Variants in GPSM2 observed in about 807,000 individuals in gnomAD.
The protein encoded by GPSM2 is G protein signaling modulator 2.
A neutral mutation model predicts 78.4 loss-of-function variants in GPSM2; 58 were observed. The observed-to-expected ratio is 0.74, with a 90% CI of 0.60 to 0.92. The LOEUF (loss-of-function observed/expected upper bound fraction) is 0.92, where lower values mean the gene tolerates loss of function less well. Among genes scored for constraint, GPSM2 ranks in the 40% least tolerant of loss-of-function variants. The pLI is 0.00. For synonymous variants in GPSM2, 224 were observed against 280.2 expected (o/e 0.80, Z 2.00); for missense variants, 700 against 815.5 (o/e 0.86, Z 1.73).
chr1:108,896,614 A>G (rs1648386311), intron 2 of GPSM2, among the ~76,000 whole-genome samples: 1 of 152,236 alleles, frequency 6.6e-6, no homozygotes, highest in African/African-American at 2.4e-5. Flanking sequence ...GGGCCAATTA[A>G]AATGAGCTCC....
intron 13 of GPSM2, among the ~76,000 whole-genome samples, chr1:108,923,220 G>A (rs1386135119): frequency 6.6e-6 from 1 of 151,954 alleles, no homozygotes; most frequent in African/African-American, 2.4e-5. Context: ...TTTTTGTGGA[G>A]ATGAGGTCTT....
chr1:108,934,526 T>C lies in GPSM2; in HGVS notation c.*4586T>C. ...TGTTAATTCTAATTGTCAGTAAAAA[T>C]GTGAATGTTGAAGTTGAAATGTGAA... On this transcript the variant is annotated 3_prime_UTR_variant, in exon 15 of 15. Transcript: ENST00000264126. 3 of 891,836 alleles carry C rather than the reference T, an allele frequency of 3.4e-6. No individual in the cohort carries two copies. The highest frequency in any genetic ancestry group is 5.0e-6 in the Non-Finnish European group (3 of 603,462). 55.2% of individuals were successfully genotyped at this position (891,836 alleles called of 1,614,324 possible).
intron 10 of GPSM2, among the ~76,000 whole-genome samples, chr1:108,909,255 G>A (rs1469276021): frequency 6.6e-6 from 1 of 152,182 alleles, no homozygotes; most frequent in African/African-American, 2.4e-5. Context: ...CCTTAAAAGT[G>A]AAAACCACTG....
chr1:108,897,570 C>A lies in GPSM2; in HGVS notation c.357C>A (p.Asp119Glu). 1 of 1,613,170 alleles carries A rather than the reference C, an allele frequency of 6.2e-7. No individual in the cohort carries two copies. Among genetic ancestry groups the A allele is most frequent in the Non-Finnish European group, 8.5e-7 (1 of 1,179,542 alleles). The change falls in exon 4 of 15, where the codon GAC becomes GAA. Residue 119 changes from aspartate (D) to glutamate (E), a missense_variant. Asp to Glu is a conservative substitution (Grantham distance 45). Transcript: ENST00000264126. ...GNTLKVLGNF[D>E]EAIVCCQRHL... ...CCTTAAAAGTTCTTGGGAATTTTGA[C>A]GAAGCCATAGTTTGTTGTCAGCGAC...
chr1:108,917,611 C>CAT lies in GPSM2; in HGVS notation c.1264-948_1264-947dup, dbSNP rs55909258. 8.0e-3 allele frequency among the ~76,000 whole-genome samples: 182 copies of CAT among 22,640 alleles called. 3 individuals are homozygous for CAT. The highest frequency in any genetic ancestry group is 0.01 in the Non-Finnish European group (130 of 12,714). The allele number at this position is 22,640 out of a possible 152,430, so 14.9% of individuals were successfully genotyped here. A position where few individuals can be genotyped will look rare whatever the true frequency, so the allele number is the denominator to read the frequency against. On this transcript the variant is annotated intron_variant, in intron 11 of 14. Coordinates refer to ENST00000264126, the MANE Select transcript of GPSM2 (RefSeq NM_013296.5). ...ACAAATGTATACACACACACACACA[C>CAT]ATATATATATATATATATATATATA...
intron 7 of GPSM2, among the ~76,000 whole-genome samples, chr1:108,901,289 A>G (rs1648784314): frequency 6.6e-6 from 1 of 152,180 alleles, no homozygotes; most frequent in Non-Finnish European, 1.5e-5. Flanking sequence ...AGTATTCAGT[A>G]TTTTTCATGA....
At chr1:108,900,348 T>C (rs944453685) in intron 7 of GPSM2, among the ~76,000 whole-genome samples, 1 of 151,490 alleles carries the variant, frequency 6.6e-6, no homozygotes, top group Non-Finnish European at 1.5e-5. Flanking sequence ...CAAGCGATTC[T>C]CCTGCCTCAG....
At chr1:108,907,203 A>G (rs959246468) in intron 10 of GPSM2, among the ~76,000 whole-genome samples, 1 of 152,186 alleles carries the variant, frequency 6.6e-6, no homozygotes, top group Admixed American at 6.5e-5. Flanking sequence ...TTTGTAAGAA[A>G]ACTTGTCTAT....
chr1:108,912,693 G>T (rs987014247), intron 10 of GPSM2, among the ~76,000 whole-genome samples: 2 of 151,922 alleles, frequency 1.3e-5, no homozygotes, highest in Non-Finnish European at 2.9e-5. Context: ...GCAGTGAGCT[G>T]TGATTGCGCC....
At position 108,924,072 on chromosome 1, in the gene GPSM2, G is replaced by A. The variant is rs950649146; in HGVS notation, c.1673G>A (p.Arg558His). The A allele has an allele frequency of 1.6e-5, 25 of 1,612,292 alleles. No homozygotes were observed. Among genetic ancestry groups the A allele is most frequent in the Middle Eastern group, 3.3e-4 (2 of 6,080 alleles). ...LDLLASSQSR[R>H]LDDQRASFSN... ...CTTCTTGCCAGCTCACAGAGTCGCC[G>A]TCTGGATGACCAGAGGGCTAGTTTC... is the stretch of plus-strand genomic sequence containing the variant. Residue 558 changes from arginine to histidine, a missense_variant, in exon 14 of 15, where the codon CGT becomes CAT. Arg to His is a conservative substitution (Grantham distance 29, BLOSUM62 0). Coordinates refer to ENST00000264126, the MANE Select transcript of GPSM2 (RefSeq NM_013296.5).
intron 10 of GPSM2, among the ~76,000 whole-genome samples, chr1:108,908,500 G>A (rs962182269): frequency 1.3e-5 from 2 of 151,058 alleles, no homozygotes; most frequent in Non-Finnish European, 2.9e-5. Flanking sequence ...TGGCTAACAC[G>A]GTGAAACCGT....
intron 14 of GPSM2, 111 bp downstream of exon 14, chr1:108,924,325 A>G (rs1257040715): frequency 1.3e-6 from 1 of 754,218 alleles, no homozygotes; most frequent in Non-Finnish European, 2.4e-6. Flanking sequence ...GAGAGTTATT[A>G]TTGTCCATCA....
chr1:108,885,945 T>C lies in GPSM2; in HGVS notation c.56+367T>C, dbSNP rs564083912. Among the ~76,000 whole-genome samples the C allele has an allele frequency of 2.6e-5, 4 of 152,316 alleles. No homozygotes were observed. In the East Asian group the frequency reaches 7.7e-4, roughly 29 times the overall value. ...ACCAAACCTTTGCATTGTAATTTAA[T>C]GTGATCTTTTAGACATGAACTTTTT... On this transcript the variant is annotated intron_variant, in intron 2 of 14. Coordinates refer to ENST00000264126, the MANE Select transcript of GPSM2 (RefSeq NM_013296.5).
At chr1:108,901,125 G>C (rs751262624) in intron 7 of GPSM2, among the ~76,000 whole-genome samples, 1 of 152,148 alleles carries the variant, frequency 6.6e-6, no homozygotes, top group Non-Finnish European at 1.5e-5. Flanking sequence ...AGAAGAGACT[G>C]GTATACAGAG....
chr1:108,918,591 C>T lies in GPSM2; in HGVS notation c.1264-22C>T, dbSNP rs551513412. 1.0e-5 allele frequency: 16 copies of T among 1,591,936 alleles called. No individual in the cohort carries two copies. The African/African-American group carries it at 2.2e-4, about 21-fold the overall frequency. ...GGATTTGGGGGTGTTTATTCACCTG[C>T]CTTCCATTTATAATTTTGTAGGTAC... On this transcript the variant is annotated intron_variant, in intron 11 of 14. Coordinates refer to ENST00000264126, the MANE Select transcript of GPSM2 (RefSeq NM_013296.5).
In GPSM2 at chr1:108,896,966, T is replaced by G. The variant is rs1469440218; in HGVS notation, c.159T>G (p.Val53=). The change falls in exon 3 of 15, where the codon GTT becomes GTG. Residue 53 remains valine, a synonymous_variant. Transcript: ENST00000264126. The part of the protein sequence containing the change: ...GVSFFEAAVQ[V]GTEDLKTLSA... Reference sequence around the variant, plus strand: ...CATTCTTTGAAGCTGCAGTTCAAGTTGGAACTGAAGACCTAAAAACACTTA... The same window carrying G: ...CATTCTTTGAAGCTGCAGTTCAAGTGGGAACTGAAGACCTAAAAACACTTA... 6.2e-7 allele frequency: 1 copy of G among 1,614,142 alleles called. No individual in the cohort carries two copies. Among genetic ancestry groups the G allele is most frequent in the Non-Finnish European group, 8.5e-7 (1 of 1,179,952 alleles).
chr1:108,926,941 G>C (rs1295604035), intron 14 of GPSM2: 3 of 152,112 alleles, frequency 2.0e-5, no homozygotes, highest in Admixed American at 2.0e-4. Flanking sequence ...AAAATTGACA[G>C]AGGTAATCAA....
chr1:108,922,629 G>C (rs1570953595), intron 13 of GPSM2, 53 bp downstream of exon 13: 2 of 1,403,374 alleles, frequency 1.4e-6, no homozygotes, highest in African/African-American at 2.8e-5. Context: ...TGATATTCTT[G>C]TGGCTTATTT....
At chr1:108,881,978 G>T (rs888077165) in intron 1 of GPSM2, among the ~76,000 whole-genome samples, 4 of 152,110 alleles carry the variant, frequency 2.6e-5, no homozygotes, top group African/African-American at 9.7e-5. Flanking sequence ...TAGAGACAGG[G>T]TCTCACTCTG....
Sources: allele counts gnomAD v4.1 joint callset (sites outside exome capture counted in the v4.1 genomes callset), GRCh38; gene constraint gnomAD v4.1.1; transcripts MANE v1.5; gene names NCBI Gene and HGNC (gene_info 2026-07-23, HGNC 2026-07-21).